MAST2: variants seen among roughly 807,000 people sequenced by gnomAD.
The protein encoded by MAST2 is microtubule associated serine/threonine kinase 2.
In MAST2, 70 loss-of-function variants were observed where a neutral mutation model predicts 147.4. That is an observed-to-expected ratio of 0.47 (90% confidence interval 0.39 to 0.58). The LOEUF (loss-of-function observed/expected upper bound fraction) is 0.58. Ranked by LOEUF, MAST2 falls within the 20% of genes least tolerant of loss-of-function variation. MAST2 has a pLI of 0.00. For synonymous variants in MAST2, 869 were observed against 896.8 expected (o/e 0.97, Z 0.55); for missense variants, 2,080 against 2,302.3 (o/e 0.90, Z 1.98).
intron 4 of MAST2, among the ~76,000 whole-genome samples, chr1:45,931,635 G>A (rs996233665): frequency 2.6e-4 from 39 of 151,902 alleles, no homozygotes; most frequent in South Asian, 1.2e-3. Flanking sequence ...GACTACAGGC[G>A]CCCGCCACCA....
At chr1:45,971,977 T>TCATATTATGG (rs1643930144) in intron 5 of MAST2, among the ~76,000 whole-genome samples, 1 of 152,164 alleles carries the variant, frequency 6.6e-6, no homozygotes. Flanking sequence ...ATTCTGGAAC[T>TCATATTATGG]AAGAGTGTGC....
chr1:45,991,562 C>G (rs187811303), intron 5 of MAST2, among the ~76,000 whole-genome samples: 1 of 152,050 alleles, frequency 6.6e-6, no homozygotes, highest in Non-Finnish European at 1.5e-5. Flanking sequence ...ATCAGAGTTT[C>G]GTAATTTACA....
In MAST2 at chr1:46,006,287, C is replaced by G; in HGVS notation, c.794C>G (p.Pro265Arg). Residue 265 changes from proline (P) to arginine (R), a missense_variant, in exon 8 of 29, where the codon CCT (proline) becomes CGT (arginine). Physicochemically the swap from Pro to Arg is moderately radical, Grantham distance 103 (BLOSUM62 -2). Around this residue, in one of 4 missense-constraint regions of MAST2, gnomAD observed 569 missense variants for 642.5 expected, o/e 0.89. Transcript: ENST00000361297. The stretch of plus-strand genomic sequence containing the variant: ...AAGCTGCATCAGTTGCCTTTCCAGC[C>G]TACAGCTGATGAGCTGCACTTTTTG... ...QEKLHQLPFQ[P>R]TADELHFLTK... 2.5e-6 allele frequency: 4 copies of G among 1,613,790 alleles called. No individual in the cohort carries two copies. The highest frequency in any genetic ancestry group is 2.5e-6 in the Non-Finnish European group (3 of 1,179,788).
chr1:45,929,669 C>T (rs766643184), intron 4 of MAST2, among the ~76,000 whole-genome samples: 13 of 152,074 alleles, frequency 8.5e-5, no homozygotes, highest in Non-Finnish European at 1.5e-4. Context: ...CTAGAGAGTC[C>T]TGCTGTTAAG....
At chr1:46,032,115 G>T in intron 24 of MAST2, 63 bp from the exon 25 acceptor site, 2 of 1,268,188 alleles carry the variant, frequency 1.6e-6, no homozygotes, top group South Asian at 2.4e-5. Flanking sequence ...GACATCAACA[G>T]ACTGGACCAG....
intron 4 of MAST2, among the ~76,000 whole-genome samples, chr1:45,910,848 C>T (rs145747101): frequency 2.6e-5 from 4 of 152,256 alleles, no homozygotes; most frequent in South Asian, 2.1e-4. Context: ...CCATAAATGG[C>T]GTTCTGATAT....
intron 21 of MAST2, 183 bp downstream of exon 21, chr1:46,030,421 C>G: frequency 1.2e-6 from 1 of 833,420 alleles, no homozygotes. Flanking sequence ...CACTGCTGTC[C>G]CTGACATGAG....
chr1:45,941,460 A>G (rs1657254364), intron 4 of MAST2, among the ~76,000 whole-genome samples: 2 of 152,114 alleles, frequency 1.3e-5, no homozygotes, highest in African/African-American at 2.4e-5. Flanking sequence ...GGGTTTCACC[A>G]TCTTGGCCAG....
At chr1:45,896,073 C>T (rs896231500) in intron 4 of MAST2, among the ~76,000 whole-genome samples, 18 of 144,550 alleles carry the variant, frequency 1.2e-4, no homozygotes, top group African/African-American at 4.7e-4. Context: ...CCGAGTCTTG[C>T]TCTGTTGCCC....
chr1:46,002,905 C>T lies in MAST2; in HGVS notation c.747+22C>T, dbSNP rs761631655. ...CTCAGTAAGTAGCCAAATCTGTGGC[C>T]ATACTTCCTTCACCCTAAGGAAGTA... is the stretch of plus-strand genomic sequence containing the variant. On this transcript the variant is annotated intron_variant, in intron 7 of 28. Coordinates refer to ENST00000361297, the MANE Select transcript of MAST2 (RefSeq NM_015112.3). 16 of 1,608,982 alleles carry T rather than the reference C, an allele frequency of 9.9e-6. No individual in the cohort carries two copies. The African/African-American group carries it at 1.2e-4, about 12-fold the overall frequency.
intron 4 of MAST2, among the ~76,000 whole-genome samples, chr1:45,948,031 G>A (rs1037792194): frequency 2.0e-5 from 3 of 152,116 alleles, no homozygotes; most frequent in African/African-American, 7.2e-5. Context: ...AGCTTCTTAA[G>A]CTGATAAACA....
In MAST2 at chr1:45,875,507, C is replaced by A. The variant is rs562843059; in HGVS notation, c.469-6857C>A. On this transcript the variant is annotated intron_variant, in intron 3 of 28. Transcript: ENST00000361297. Reference sequence around the variant, plus strand: ...TTTCATTATACCCACAGTTATCACTCAGAAAACAGGTACTATATATGATAT... The same window carrying A: ...TTTCATTATACCCACAGTTATCACTAAGAAAACAGGTACTATATATGATAT... 3.2e-4 allele frequency among the ~76,000 whole-genome samples: 48 copies of A among 152,240 alleles called. 1 individual carries two copies. In the South Asian group the frequency reaches 8.7e-3, roughly 28 times the overall value.
At chr1:45,838,929 A>G (rs143269303) in intron 3 of MAST2, among the ~76,000 whole-genome samples, 108 of 152,296 alleles carry the variant, frequency 7.1e-4, no homozygotes, top group Middle Eastern at 3.4e-3. Flanking sequence ...GACCTAAATG[A>G]ATGGAGAGAT....
At chr1:45,943,174 A>G (rs1657558302) in intron 4 of MAST2, among the ~76,000 whole-genome samples, 1 of 152,244 alleles carries the variant, frequency 6.6e-6, no homozygotes, top group Admixed American at 6.5e-5. Flanking sequence ...TTACTACTGG[A>G]TGTAAAGTGT....
In MAST2 at chr1:46,032,736, T is replaced by G; in HGVS notation, c.3537+18T>G. On this transcript the variant is annotated intron_variant, in intron 26 of 28. Coordinates refer to ENST00000361297, the MANE Select transcript of MAST2 (RefSeq NM_015112.3). Reference sequence around the variant, plus strand: ...TCCTGAAGGTTAGTGCTGGGCGTGCTGCCTGCATGGTCCCTGAATGACCTC... The same window carrying G: ...TCCTGAAGGTTAGTGCTGGGCGTGCGGCCTGCATGGTCCCTGAATGACCTC... 1.2e-6 allele frequency: 2 copies of G among 1,607,590 alleles called. No homozygotes were observed. The highest frequency in any genetic ancestry group is 8.5e-7 in the Non-Finnish European group (1 of 1,175,976).
Position 45,908,627 on chromosome 1 carries a change from G to A in MAST2, c.500+26232G>A, listed in dbSNP as rs568127928. 2.0e-5 allele frequency among the ~76,000 whole-genome samples: 3 copies of A among 152,208 alleles called. No homozygotes were observed. The East Asian group carries it at 5.8e-4, about 29-fold the overall frequency. On this transcript the variant is annotated intron_variant, in intron 4 of 28. Transcript: ENST00000361297. Reference sequence around the variant, plus strand: ...AGTTGATTTCTAATTTAATTCTGTTGTGGTTAGACAGCATAATTTATGGAA... The same window carrying A: ...AGTTGATTTCTAATTTAATTCTGTTATGGTTAGACAGCATAATTTATGGAA...
At position 46,028,880 on chromosome 1, in the gene MAST2, G is replaced by A. The variant is rs762402389; in HGVS notation, c.2165G>A (p.Cys722Tyr). Residue 722 changes from cysteine (C) to tyrosine (Y), a missense_variant, in exon 18 of 29, where the codon TGC (cysteine) becomes TAC (tyrosine). Cys to Tyr is a radical substitution (Grantham distance 194, BLOSUM62 -2). Transcript: ENST00000361297. ...ATCCTGTATGAGTTCCTGGTGGGCT[G>A]CGTCCCTTTTTTTGGAGATACTCCG... Reference protein sequence around the residue: ...GIILYEFLVGCVPFFGDTPEE... With the variant: ...GIILYEFLVGYVPFFGDTPEE... The A allele has an allele frequency of 1.2e-6, 2 of 1,612,652 alleles. No individual in the cohort carries two copies. The highest frequency in any genetic ancestry group is 3.4e-5 in the Admixed American group (2 of 59,574).
At chr1:45,822,504 C>G (rs1464163962) in intron 1 of MAST2, among the ~76,000 whole-genome samples, 1 of 152,078 alleles carries the variant, frequency 6.6e-6, no homozygotes, top group Non-Finnish European at 1.5e-5. Flanking sequence ...GTATGTGTTT[C>G]TCTTAATTGG....
Position 46,035,302 on chromosome 1 carries a change from G to T in MAST2, c.4633G>T (p.Asp1545Tyr). 6.2e-7 allele frequency: 1 copy of T among 1,614,002 alleles called. No individual in the cohort carries two copies. Among genetic ancestry groups the T allele is most frequent in the Non-Finnish European group, 8.5e-7 (1 of 1,180,004 alleles). Residue 1545 changes from aspartate to tyrosine, a missense_variant, in exon 29 of 29, where the codon GAT (aspartate) becomes TAT (tyrosine). Transcript: ENST00000361297. The surrounding 1 kb of genome is among the most constrained non-coding windows in gnomAD (Gnocchi z 5.5). Reference sequence around the variant, plus strand: ...AGGAGCAGGAGAGAGTGGGGAAGAGGATCCTTTCCCGTCCAGAGACCCTAG... The same window carrying T: ...AGGAGCAGGAGAGAGTGGGGAAGAGTATCCTTTCCCGTCCAGAGACCCTAG... ...PKGAGESGEE[D>Y]PFPSRDPRSL...
Sources: allele counts gnomAD v4.1 joint callset (sites outside exome capture counted in the v4.1 genomes callset), GRCh38; gene constraint gnomAD v4.1.1; regional missense constraint gnomAD v4.1.1; non-coding constraint Gnocchi (gnomAD v3.1); transcripts MANE v1.5; gene names NCBI Gene and HGNC (gene_info 2026-07-23, HGNC 2026-07-21).